GABRG2: variants seen among roughly 807,000 people sequenced by gnomAD.
The protein encoded by GABRG2 is gamma-aminobutyric acid type A receptor subunit gamma2.
A neutral mutation model predicts 56.4 loss-of-function variants in GABRG2; 16 were observed. That is an observed-to-expected ratio of 0.28 (90% CI 0.19 to 0.43). The LOEUF (loss-of-function observed/expected upper bound fraction) is 0.43, where lower values mean the gene tolerates loss of function less well. Among genes scored for constraint, GABRG2 ranks in the 20% least tolerant of loss-of-function variants. The pLI is 1.00. For missense variants in GABRG2, 327 were observed against 582.7 expected (o/e 0.56, Z 4.52); for synonymous variants, 208 against 205.5 (o/e 1.01, Z -0.10).
At chr5:162,151,537 A>G in intron 8 of GABRG2, 193 bp from the exon 9 acceptor site, 1 of 526,012 alleles carries the variant, frequency 1.9e-6, no homozygotes, top group Non-Finnish European at 3.3e-6. Flanking sequence ...TTACAAAATT[A>G]CACTTAACTT....
intron 1 of GABRG2, among the ~76,000 whole-genome samples, chr5:162,079,624 T>C (rs1759486050): frequency 6.6e-6 from 1 of 151,762 alleles, no homozygotes; most frequent in Non-Finnish European, 1.5e-5. Context: ...TTTAAAAAAA[T>C]AATATATATA....
intron 2 of GABRG2, 110 bp downstream of exon 2, chr5:162,094,089 T>A: frequency 8.0e-7 from 1 of 1,244,342 alleles, no homozygotes; most frequent in South Asian, 1.2e-5. Flanking sequence ...TAAATTATAC[T>A]TTTTTATATG....
chr5:162,141,176 A>G (rs1464969142), intron 6 of GABRG2, among the ~76,000 whole-genome samples: 2 of 151,900 alleles, frequency 1.3e-5, no homozygotes, highest in East Asian at 3.9e-4. Flanking sequence ...AGCTGGGACT[A>G]CAGGCGCCCG....
intron 6 of GABRG2, among the ~76,000 whole-genome samples, chr5:162,132,310 A>G (rs1187572992): frequency 6.6e-6 from 1 of 152,014 alleles, no homozygotes; most frequent in African/African-American, 2.4e-5. Context: ...GTAGATGGAA[A>G]AAGTTGTTCC....
At chr5:162,082,310 G>T (rs185505799) in intron 1 of GABRG2, among the ~76,000 whole-genome samples, 6 of 151,644 alleles carry the variant, frequency 4.0e-5, no homozygotes, top group Non-Finnish European at 7.4e-5. Flanking sequence ...TTTCATTAAG[G>T]CACTCTCATT....
Position 162,139,459 on chromosome 5 carries a change from T to G in GABRG2, c.770-2705T>G, listed in dbSNP as rs192626129. ...GCTTTTAATGGCTTGTTCTCAAATT[T>G]GAATCCATAATCCACTGGTAGAAAA... is the stretch of plus-strand genomic sequence containing the variant. On this transcript the variant is annotated intron_variant, in intron 6 of 9. Transcript: ENST00000639213. 1.3e-3 allele frequency among the ~76,000 whole-genome samples: 200 copies of G among 152,306 alleles called. 1 individual carries two copies. Among genetic ancestry groups the G allele is most frequent in the African/African-American group, 4.2e-3 (176 of 41,562 alleles).
intron 5 of GABRG2, chr5:162,101,586 T>C: frequency 2.2e-6 from 1 of 444,934 alleles, no homozygotes; most frequent in Non-Finnish European, 4.1e-6. Flanking sequence ...GAGCCTTTTT[T>C]TTTTTTGTAA....
chr5:162,124,002 T>C (rs1436758398), intron 6 of GABRG2, among the ~76,000 whole-genome samples: 3 of 151,892 alleles, frequency 2.0e-5, no homozygotes, highest in Admixed American at 6.6e-5. Context: ...GAATGATGAA[T>C]CAAGGTGAGG....
intron 8 of GABRG2, chr5:162,150,324 G>A (rs1480911987): frequency 1.3e-5 from 2 of 152,182 alleles, no homozygotes; most frequent in East Asian, 3.9e-4. Context: ...GGTGATGATA[G>A]TTGATTTTGA....
intron 6 of GABRG2, among the ~76,000 whole-genome samples, chr5:162,121,508 G>T (rs1762977353): frequency 6.6e-6 from 1 of 151,840 alleles, no homozygotes; most frequent in African/African-American, 2.4e-5. Context: ...TAGATTTTTA[G>T]TTAAAATGCA....
At chr5:162,105,399 A>G (rs1231147324) in intron 6 of GABRG2, among the ~76,000 whole-genome samples, 1 of 151,368 alleles carries the variant, frequency 6.6e-6, no homozygotes, top group Admixed American at 6.6e-5. Flanking sequence ...ATTATTTGCA[A>G]GAAACCTGAC....
intron 6 of GABRG2, among the ~76,000 whole-genome samples, chr5:162,109,389 A>AATATATATATATATATATATATAT (rs535370579): frequency 5.2e-5 from 6 of 116,230 alleles, no homozygotes; most frequent in East Asian, 3.0e-4. Flanking sequence ...CTTAAAGTAT[A>AATATATATATATATATATATATAT]ATATATATAT....
chr5:162,109,895 A>G (rs1762137242), intron 6 of GABRG2, among the ~76,000 whole-genome samples: 1 of 152,034 alleles, frequency 6.6e-6, no homozygotes, highest in African/African-American at 2.4e-5. Flanking sequence ...CATTGGTGGG[A>G]TCCTCCTGCC....
intron 6 of GABRG2, among the ~76,000 whole-genome samples, chr5:162,140,144 T>G (rs2113586198): frequency 6.6e-6 from 1 of 152,352 alleles, no homozygotes; most frequent in South Asian, 2.1e-4. Flanking sequence ...CTATTATCAT[T>G]GATAAAAAAT....
intron 1 of GABRG2, among the ~76,000 whole-genome samples, chr5:162,093,329 C>T (rs1222495914): frequency 6.6e-6 from 1 of 152,064 alleles, no homozygotes. Flanking sequence ...ATTGAGCTCT[C>T]TCCTTAGTGT....
intron 6 of GABRG2, among the ~76,000 whole-genome samples, chr5:162,113,054 C>T (rs548376463): frequency 1.4e-4 from 22 of 152,150 alleles, no homozygotes; most frequent in African/African-American, 5.1e-4. Flanking sequence ...CAGTTCGTGC[C>T]TCAGCCTCCC....
chr5:162,094,239 G>A (rs1040770116), intron 2 of GABRG2: 8 of 442,404 alleles, frequency 1.8e-5, no homozygotes, highest in African/African-American at 8.0e-5. Context: ...ATCTCAGATA[G>A]AAGCTGTAGG....
At chr5:162,125,952 G>C (rs994060881) in intron 6 of GABRG2, among the ~76,000 whole-genome samples, 8 of 151,956 alleles carry the variant, frequency 5.3e-5, no homozygotes, top group Admixed American at 1.3e-4. Flanking sequence ...ATTATGGAAA[G>C]GTTACAGTTA....
At chr5:162,105,726 G>A (rs530378215) in intron 6 of GABRG2, among the ~76,000 whole-genome samples, 12 of 151,684 alleles carry the variant, frequency 7.9e-5, no homozygotes, top group South Asian at 2.1e-4. Flanking sequence ...CACCGCGCCC[G>A]GCCTAGAACA....
Sources: gnomAD v4.1 joint callset for allele counts (sites outside exome capture counted in the v4.1 genomes callset) on GRCh38, gnomAD v4.1.1 for gene constraint, MANE v1.5 for transcripts, NCBI Gene and HGNC (gene_info 2026-07-23, HGNC 2026-07-21) for gene names.